FRMD4B: variants seen among roughly 807,000 people sequenced by gnomAD.
FRMD4B encodes FERM domain-containing protein 4B.
In FRMD4B, 74 loss-of-function variants were observed where a neutral mutation model predicts 141.5. That is an observed-to-expected ratio of 0.52 (90% CI 0.43 to 0.63). The LOEUF is 0.63. FRMD4B is among the 30% of genes least tolerant of loss of function. The pLI is 0.00. For synonymous variants in FRMD4B, 506 were observed against 467.9 expected, an observed-to-expected ratio of 1.08 and a Z score of -1.05; for missense variants, 1,366 against 1,253.4, an observed-to-expected ratio of 1.09 and a Z score of -1.36.
chr3:69,464,530 T>A (rs1559535169), intron 1 of FRMD4B, among the ~76,000 whole-genome samples: 3 of 152,170 alleles, frequency 2.0e-5, no homozygotes, highest in African/African-American at 4.8e-5. Context: ...GTAAAGACCA[T>A]GTGATACTCA....
At chr3:69,457,422 A>T in intron 1 of FRMD4B, among the ~76,000 whole-genome samples, 1 of 152,198 alleles carries the variant, frequency 6.6e-6, no homozygotes, top group Non-Finnish European at 1.5e-5. Context: ...AAAATAAGTG[A>T]TATTGAAGAT....
chr3:69,200,766 C>T lies in FRMD4B; in HGVS notation c.877-1992G>A, dbSNP rs1378079933. 6.3e-6 allele frequency: 6 copies of T among 949,606 alleles called. No homozygotes were observed. In the Admixed American group the frequency reaches 1.2e-4, roughly 18 times the overall value. 58.8% of individuals were successfully genotyped at this position (949,606 alleles called of 1,614,324 possible). A position where few individuals can be genotyped will look rare whatever the true frequency, so the allele number is the denominator to read the frequency against. ...TTGCTTTGAATCCAAGGACGAATTT[C>T]ACCGGAGGCTGTTTTAGGAAGACAT... On this transcript the variant is annotated intron_variant, in intron 11 of 22. Transcript: ENST00000398540.
chr3:69,441,197 C>T (rs1705335841), intron 1 of FRMD4B, among the ~76,000 whole-genome samples: 1 of 152,108 alleles, frequency 6.6e-6, no homozygotes, highest in Non-Finnish European at 1.5e-5. Context: ...TCCTATCTTC[C>T]TCCTGGACTT....
At chr3:69,229,036 T>C (rs1038286372) in intron 7 of FRMD4B, among the ~76,000 whole-genome samples, 11 of 150,732 alleles carry the variant, frequency 7.3e-5, no homozygotes, top group Admixed American at 7.3e-4. Flanking sequence ...TTTTTTTGTT[T>C]TGTTTTTGAG....
chr3:69,278,919 C>G (rs1425320946), intron 5 of FRMD4B, among the ~76,000 whole-genome samples: 1 of 152,070 alleles, frequency 6.6e-6, no homozygotes, highest in African/African-American at 2.4e-5. Flanking sequence ...CTTTAGGAAA[C>G]AGTAATAAGT....
At chr3:69,236,259 C>G (rs990288106) in intron 7 of FRMD4B, among the ~76,000 whole-genome samples, 3 of 148,240 alleles carry the variant, frequency 2.0e-5, no homozygotes, top group East Asian at 4.0e-4. Context: ...GATGGAGTCT[C>G]GCTCTGTTGC....
At chr3:69,263,325 G>C (rs1409778041) in intron 5 of FRMD4B, among the ~76,000 whole-genome samples, 1 of 151,548 alleles carries the variant, frequency 6.6e-6, no homozygotes, top group Non-Finnish European at 1.5e-5. Context: ...AAGAGAAAAT[G>C]TGAGGGGCTT....
intron 1 of FRMD4B, among the ~76,000 whole-genome samples, chr3:69,354,035 T>C (rs1703242207): frequency 6.6e-6 from 1 of 152,216 alleles, no homozygotes; most frequent in Non-Finnish European, 1.5e-5. Flanking sequence ...GGGAATTTAA[T>C]GAATATAAAT....
intron 1 of FRMD4B, among the ~76,000 whole-genome samples, chr3:69,453,909 C>G (rs991505632): frequency 7.2e-5 from 11 of 152,132 alleles, no homozygotes; most frequent in African/African-American, 2.4e-4. Flanking sequence ...GCCTAGAAAA[C>G]AAGAGTCCCC....
At chr3:69,286,229 T>A (rs1337647739) in intron 5 of FRMD4B, among the ~76,000 whole-genome samples, 2 of 152,220 alleles carry the variant, frequency 1.3e-5, no homozygotes, top group African/African-American at 2.4e-5. Context: ...ACAGAAATGC[T>A]AACTCCATGG....
intron 7 of FRMD4B, among the ~76,000 whole-genome samples, chr3:69,240,854 G>A (rs1200124188): frequency 7.2e-5 from 11 of 152,194 alleles, no homozygotes; most frequent in Non-Finnish European, 1.3e-4. Context: ...CAACAATGTC[G>A]TCTCACAGCT....
Position 69,444,314 on chromosome 3 carries a change from G to A in FRMD4B, c.-128-11553C>T, listed in dbSNP as rs1705382504. ...TGCAGCGGGCAAGAAGAACACATTT[G>A]GGTGATTACAGTATCTGATGCTAAT... On this transcript the variant is annotated intron_variant, in intron 1 of 5. Transcript: ENST00000459638. 2.0e-5 allele frequency among the ~76,000 whole-genome samples: 3 copies of A among 152,146 alleles called. No individual in the cohort carries two copies. In the South Asian group the frequency reaches 6.2e-4, roughly 32 times the overall value.
At chr3:69,419,561 A>G (rs1174211351) in intron 2 of FRMD4B, among the ~76,000 whole-genome samples, 1 of 152,164 alleles carries the variant, frequency 6.6e-6, no homozygotes, top group East Asian at 1.9e-4. Context: ...TAAACTTGAT[A>G]CCAAAAAGGG....
chr3:69,211,727 T>G (rs2093082103), intron 11 of FRMD4B, among the ~76,000 whole-genome samples: 1 of 152,188 alleles, frequency 6.6e-6, no homozygotes, highest in African/African-American at 2.4e-5. Flanking sequence ...TTATAGCCTT[T>G]GTTTCATTAC....
intron 1 of FRMD4B, among the ~76,000 whole-genome samples, chr3:69,451,341 T>C (rs1705495615): frequency 6.6e-6 from 1 of 152,192 alleles, no homozygotes; most frequent in South Asian, 2.1e-4. Context: ...GGCCTGGCAA[T>C]GATCAGTGAC....
intron 1 of FRMD4B, among the ~76,000 whole-genome samples, chr3:69,348,732 A>C (rs1159790518): frequency 6.6e-6 from 1 of 152,184 alleles, no homozygotes; most frequent in Admixed American, 6.5e-5. Flanking sequence ...AAAGACAAAA[A>C]CCACATGCTT....
At chr3:69,233,121 A>G (rs1288816149) in intron 7 of FRMD4B, among the ~76,000 whole-genome samples, 1 of 152,016 alleles carries the variant, frequency 6.6e-6, no homozygotes, top group East Asian at 1.9e-4. Context: ...TGCATAAAAA[A>G]TGTATATTAA....
chr3:69,349,589 G>A (rs1485177011), intron 1 of FRMD4B, among the ~76,000 whole-genome samples: 2 of 152,146 alleles, frequency 1.3e-5, no homozygotes, highest in Admixed American at 1.3e-4. Context: ...CAAGGCTACA[G>A]TAACCAAAAA....
intron 2 of FRMD4B, among the ~76,000 whole-genome samples, chr3:69,430,083 C>A (rs1705154080): frequency 1.3e-5 from 2 of 152,016 alleles, no homozygotes; most frequent in African/African-American, 4.8e-5. Flanking sequence ...TCTTATTGAT[C>A]CAAGGCAGAG....
Sources: gnomAD v4.1 joint callset for allele counts (sites outside exome capture counted in the v4.1 genomes callset) on GRCh38, gnomAD v4.1.1 for gene constraint, MANE v1.5 for transcripts, NCBI Gene and HGNC (gene_info 2026-07-23, HGNC 2026-07-21) for gene names.